Variants in STK24 observed in about 807,000 individuals in gnomAD.
The protein encoded by STK24 is serine/threonine kinase 24.
STK24 carries 21 observed loss-of-function variants against 55.6 expected under a neutral mutation model. The observed-to-expected ratio is 0.38, with a 90% CI of 0.27 to 0.54. STK24 has a LOEUF of 0.54. Among genes scored for constraint, STK24 ranks in the 20% least tolerant of loss-of-function variants. The pLI is 0.79. For missense variants in STK24, 383 were observed against 538.4 expected, an observed-to-expected ratio of 0.71 and a Z score of 2.86; for synonymous variants, 200 against 215.2, an observed-to-expected ratio of 0.93 and a Z score of 0.62.
chr13:98,492,433 A>G (rs75663288), intron 2 of STK24, among the ~76,000 whole-genome samples: 1,991 of 152,266 alleles, frequency 0.013, 42 homozygotes, highest in African/African-American at 0.044. Flanking sequence ...TTTGGAAATG[A>G]GTATGTGATG....
chr13:98,488,313 C>T (rs1222793151), intron 2 of STK24, among the ~76,000 whole-genome samples: 2 of 152,258 alleles, frequency 1.3e-5, no homozygotes, highest in East Asian at 1.9e-4. Flanking sequence ...TATTAGCAAA[C>T]GAATTCCTGC....
chr13:98,576,496 C>A (rs1252655911), intron 1 of STK24, among the ~76,000 whole-genome samples: 1 of 152,082 alleles, frequency 6.6e-6, no homozygotes, highest in East Asian at 1.9e-4. Flanking sequence ...GGCGCCCGCA[C>A]CCCCACATCC....
Position 98,448,414 on chromosome 13 carries a change from A to T in STK24, c.*4759T>A. 9.8e-7 allele frequency: 1 copy of T among 1,018,292 alleles called. No individual in the cohort carries two copies. Among genetic ancestry groups the T allele is most frequent in the Non-Finnish European group, 1.5e-6 (1 of 649,150 alleles). 63.1% of individuals were successfully genotyped at this position (1,018,292 alleles called of 1,614,324 possible). ...CCTGGTAAAATTAACACCTGTCTGA[A>T]AATCAAAAACATGGCTTCCCAGCAG... On this transcript the variant is annotated 3_prime_UTR_variant, in exon 11 of 11. Coordinates refer to ENST00000539966, the MANE Select transcript of STK24 (RefSeq NM_001032296.4).
intron 1 of STK24, among the ~76,000 whole-genome samples, chr13:98,573,160 T>C (rs1253013997): frequency 6.6e-6 from 1 of 152,254 alleles, no homozygotes; most frequent in African/African-American, 2.4e-5. Flanking sequence ...TAAGGATTAG[T>C]ACGGTCTCCT....
Position 98,465,797 on chromosome 13 carries a change from T to C in STK24, c.783+579A>G, listed in dbSNP as rs76562808. Among the ~76,000 whole-genome samples, 1,189 of 152,264 alleles carry C rather than the reference T, an allele frequency of 7.8e-3. 17 individuals carry two copies. Among genetic ancestry groups the C allele is most frequent in the African/African-American group, 0.027 (1,116 of 41,520 alleles). On this transcript the variant is annotated intron_variant, in intron 6 of 10. Transcript: ENST00000539966. ...ACCTCCAACACCAACACACACACAC[T>C]ACTTTCAAAGAAATGTCCTAATTCA...
rs777917561 is a variant in STK24 at position 98,446,115 on chromosome 13, C to T, written c.*7058G>A. 3.7e-6 allele frequency: 6 copies of T among 1,613,694 alleles called. No homozygotes were observed. Among genetic ancestry groups the T allele is most frequent in the Non-Finnish European group, 5.1e-6 (6 of 1,179,620 alleles). On this transcript the variant is annotated 3_prime_UTR_variant, in exon 11 of 11. Coordinates refer to ENST00000539966, the MANE Select transcript of STK24 (RefSeq NM_001032296.4). ...CCTTTCAGAATCAGTTGTCTGGAAA[C>T]CTGCTGAGGAAATTCAAAAACAGCA...
At chr13:98,529,469 C>T (rs1365808762) in intron 1 of STK24, among the ~76,000 whole-genome samples, 3 of 152,164 alleles carry the variant, frequency 2.0e-5, no homozygotes, top group African/African-American at 7.2e-5. Context: ...CGACCCACTG[C>T]CCTTCACACT....
intron 1 of STK24, among the ~76,000 whole-genome samples, chr13:98,537,224 A>C (rs1896760377): frequency 6.6e-6 from 1 of 152,180 alleles, no homozygotes; most frequent in African/African-American, 2.4e-5. Flanking sequence ...GAGGGCTCCC[A>C]TCAGGCAGTC....
Position 98,466,370 on chromosome 13 carries a change from A to T in STK24, c.783+6T>A. On this transcript the variant is annotated splice_donor_region_variant and intron_variant, in intron 6 of 10. Coordinates refer to ENST00000539966, the MANE Select transcript of STK24 (RefSeq NM_001032296.4). ...AGAGGTACGCTGTGATCCCTGGGAA[A>T]CTTACAAAGCTCGGCTCCTTATTCA... 1 of 1,611,756 alleles carries T rather than the reference A, an allele frequency of 6.2e-7. No homozygotes were observed. Among genetic ancestry groups the T allele is most frequent in the Non-Finnish European group, 8.5e-7 (1 of 1,179,724 alleles).
At chr13:98,478,142 T>A (rs1894452878) in intron 3 of STK24, among the ~76,000 whole-genome samples, 1 of 152,188 alleles carries the variant, frequency 6.6e-6, no homozygotes, top group Admixed American at 6.5e-5. Context: ...GGCCAAGCTC[T>A]CCAAGTCAGC....
chr13:98,568,224 T>C (rs1404176144), intron 1 of STK24, among the ~76,000 whole-genome samples: 2 of 152,110 alleles, frequency 1.3e-5, no homozygotes, highest in African/African-American at 2.4e-5. Context: ...CTCGAAATCC[T>C]GACCTCAAAT....
chr13:98,499,842 A>C (rs1293212838), intron 2 of STK24, among the ~76,000 whole-genome samples: 8 of 152,194 alleles, frequency 5.3e-5, no homozygotes, highest in Non-Finnish European at 8.8e-5. Context: ...AACTGAAAGG[A>C]CTAAATGCAG....
rs2139185626 is a variant in STK24 at position 98,447,752 on chromosome 13, G to A, written c.*5421C>T. The A allele has an allele frequency of 6.3e-6, 1 of 159,190 alleles. No homozygotes were observed. Among genetic ancestry groups the A allele is most frequent in the Admixed American group, 6.2e-5 (1 of 16,160 alleles). The allele number at this position is 159,190 out of a possible 1,614,324, so 9.9% of individuals were successfully genotyped here. On this transcript the variant is annotated 3_prime_UTR_variant, in exon 11 of 11. Coordinates refer to ENST00000539966, the MANE Select transcript of STK24 (RefSeq NM_001032296.4). Reference sequence around the variant, plus strand: ...TAGTCCCATCTCCTGGGAGGCCAAGGCTGGAGGATCGATTGAGCCCAGGAG... The same window carrying A: ...TAGTCCCATCTCCTGGGAGGCCAAGACTGGAGGATCGATTGAGCCCAGGAG...
rs1160954299 is a variant in STK24 at position 98,445,333 on chromosome 13, C to T, written c.*7840G>A. Reference sequence around the variant, plus strand: ...GTCTCTGCTGGTGATGTCACTTTGGCAAAGGGACGAAATGAGCCACCAGTG... The same window carrying T: ...GTCTCTGCTGGTGATGTCACTTTGGTAAAGGGACGAAATGAGCCACCAGTG... On this transcript the variant is annotated 3_prime_UTR_variant, in exon 11 of 11. Coordinates refer to ENST00000539966, the MANE Select transcript of STK24 (RefSeq NM_001032296.4). The T allele has an allele frequency of 6.6e-6, 1 of 152,270 alleles. No homozygotes were observed. Among genetic ancestry groups the T allele is most frequent in the African/African-American group, 2.4e-5 (1 of 41,468 alleles). 9.4% of individuals were successfully genotyped at this position (152,270 alleles called of 1,614,324 possible).
intron 2 of STK24, among the ~76,000 whole-genome samples, chr13:98,486,979 A>G (rs149518988): frequency 2.0e-5 from 3 of 152,238 alleles, no homozygotes; most frequent in African/African-American, 4.8e-5. Context: ...GGCAAAATTC[A>G]TGGTGCTCAA....
intron 1 of STK24, among the ~76,000 whole-genome samples, chr13:98,541,493 G>T (rs1467288557): frequency 6.6e-6 from 1 of 152,222 alleles, no homozygotes; most frequent in African/African-American, 2.4e-5. Flanking sequence ...TGAGCAAAGA[G>T]ACCATGATGT....
At chr13:98,517,691 G>C (rs890931886) in intron 2 of STK24, among the ~76,000 whole-genome samples, 5 of 152,134 alleles carry the variant, frequency 3.3e-5, no homozygotes, top group African/African-American at 9.7e-5. Context: ...CACATGTGTA[G>C]TGCTTTCGTT....
At chr13:98,535,370 A>AAAT (rs1555310068) in intron 1 of STK24, among the ~76,000 whole-genome samples, 12 of 55,952 alleles carry the variant, frequency 2.1e-4, no homozygotes, top group African/African-American at 3.0e-4. Flanking sequence ...ACAAAAAAAA[A>AAAT]ATATATATAT....
At chr13:98,491,879 G>A (rs1895050478) in intron 2 of STK24, among the ~76,000 whole-genome samples, 1 of 151,900 alleles carries the variant, frequency 6.6e-6, no homozygotes, top group South Asian at 2.1e-4. Context: ...ATTTGCAATA[G>A]AGCAATAAAA....
Sources: allele counts gnomAD v4.1 joint callset (sites outside exome capture counted in the v4.1 genomes callset), GRCh38; gene constraint gnomAD v4.1.1; transcripts MANE v1.5; gene names NCBI Gene and HGNC (gene_info 2026-07-23, HGNC 2026-07-21).